TASP1: variants seen among roughly 807,000 people sequenced by gnomAD.
The protein encoded by TASP1 is taspase 1.
A neutral mutation model predicts 56.6 loss-of-function variants in TASP1; 16 were observed. The observed-to-expected ratio is 0.28, with a 90% CI of 0.19 to 0.43. The LOEUF (loss-of-function observed/expected upper bound fraction) is 0.43. TASP1 is among the 20% of genes least tolerant of loss of function. The pLI is 1.00. For synonymous variants in TASP1, 179 were observed against 184.2 expected, an observed-to-expected ratio of 0.97 and a Z score of 0.23; for missense variants, 393 against 511.6, an observed-to-expected ratio of 0.77 and a Z score of 2.24.
intron 10 of TASP1, among the ~76,000 whole-genome samples, chr20:13,501,155 A>G (rs988465031): frequency 1.3e-5 from 2 of 152,052 alleles, no homozygotes; most frequent in Admixed American, 1.3e-4. Flanking sequence ...GGAAGTAAAG[A>G]TATTTCTGAT....
intron 10 of TASP1, among the ~76,000 whole-genome samples, chr20:13,501,014 G>A (rs1336391678): frequency 6.6e-6 from 1 of 151,932 alleles, no homozygotes; most frequent in Non-Finnish European, 1.5e-5. Context: ...CATACAAAGA[G>A]ACCACTACAG....
the TASP1 span, among the ~76,000 whole-genome samples, chr20:13,125,543 C>T: frequency 4.6e-5 from 7 of 152,162 alleles, no homozygotes; most frequent in Non-Finnish European, 1.0e-4. Context: ...AAACTCTGCC[C>T]ATCAACAATG....
intron 13 of TASP1, among the ~76,000 whole-genome samples, chr20:13,411,505 G>C (rs376756755): frequency 3.9e-5 from 6 of 152,044 alleles, no homozygotes; most frequent in Non-Finnish European, 8.8e-5. Flanking sequence ...TCATCTCCTT[G>C]GTTAAATTTA....
rs201134175 is a variant in TASP1, at chr20:13,468,294, AT to A, written c.985+14932del. ...ATACCAGAAAATCACCAATGTCATT[AT>A]GCCTCAGATAGACTATTTGAGAAGT... On this transcript the variant is annotated intron_variant, in intron 11 of 13. Transcript: ENST00000337743. 5.1e-3 allele frequency among the ~76,000 whole-genome samples: 771 copies of A among 152,290 alleles called. 4 individuals carry two copies. The highest frequency in any genetic ancestry group is 0.011 in the East Asian group (59 of 5,180).
the TASP1 span, among the ~76,000 whole-genome samples, chr20:13,206,190 A>G: frequency 6.6e-6 from 1 of 152,168 alleles, no homozygotes; most frequent in Non-Finnish European, 1.5e-5. Context: ...GACTGGATGC[A>G]TGGACAGCAT....
intron 13 of TASP1, among the ~76,000 whole-genome samples, chr20:13,395,459 T>G (rs894302910): frequency 2.6e-5 from 4 of 152,340 alleles, no homozygotes; most frequent in East Asian, 1.9e-4. Context: ...AACATCTAAT[T>G]TTTCATGCAC....
chr20:13,519,720 G>C (rs1215408057), intron 10 of TASP1, among the ~76,000 whole-genome samples: 1 of 152,174 alleles, frequency 6.6e-6, no homozygotes, highest in Non-Finnish European at 1.5e-5. Context: ...ACAAGACAGG[G>C]ATGCCCTCTC....
chr20:13,358,644 A>C, the TASP1 span, among the ~76,000 whole-genome samples: 2 of 149,844 alleles, frequency 1.3e-5, no homozygotes, highest in Non-Finnish European at 2.9e-5. Context: ...CTTCGGCGCC[A>C]GTCACGGACT....
At chr20:13,299,408 C>A in the TASP1 span, 1 of 1,611,724 alleles carries the variant, frequency 6.2e-7, no homozygotes, top group Non-Finnish European at 8.5e-7. The surrounding 1 kb of genome is among the most constrained non-coding windows in gnomAD (Gnocchi z 5.8). Context: ...GCACAGAGAG[C>A]CCCTCGGACG....
the TASP1 span, chr20:13,298,852 A>T: frequency 3.6e-6 from 5 of 1,374,638 alleles, no homozygotes; most frequent in Non-Finnish European, 5.0e-6. Flanking sequence ...GCGGGCCCTC[A>T]GGAGCAGCCT....
the TASP1 span, among the ~76,000 whole-genome samples, chr20:13,326,522 C>T: frequency 0.021 from 2,525 of 122,798 alleles, 33 homozygotes; most frequent in South Asian, 0.069. Context: ...CTCACCAACA[C>T]TTGGTATGAA....
chr20:13,143,626 T>A, the TASP1 span, among the ~76,000 whole-genome samples: 3 of 152,166 alleles, frequency 2.0e-5, no homozygotes, highest in Admixed American at 2.0e-4. Context: ...GGCTTCCCCA[T>A]CAATTTTTCC....
chr20:13,378,123 A>G, the TASP1 span, among the ~76,000 whole-genome samples: 2 of 151,980 alleles, frequency 1.3e-5, no homozygotes, highest in South Asian at 4.2e-4. Context: ...CTAACTTTGA[A>G]TTTGTTTGCT....
the TASP1 span, among the ~76,000 whole-genome samples, chr20:13,322,584 A>G: frequency 6.6e-6 from 1 of 152,108 alleles, no homozygotes; most frequent in Non-Finnish European, 1.5e-5. Context: ...GACGTGCTCT[A>G]TTTTCTCAGG....
At chr20:13,463,436 G>A (rs1412932483) in intron 11 of TASP1, among the ~76,000 whole-genome samples, 4 of 152,094 alleles carry the variant, frequency 2.6e-5, no homozygotes, top group African/African-American at 9.7e-5. Context: ...CAGGGGGCAA[G>A]CTTCATGACA....
At chr20:13,629,081 G>T (rs1028033764) in intron 2 of TASP1, among the ~76,000 whole-genome samples, 9 of 152,132 alleles carry the variant, frequency 5.9e-5, no homozygotes, top group African/African-American at 1.2e-4. Flanking sequence ...TATTAAGAGG[G>T]TGGGCCGGGT....
At chr20:13,278,150 G>T in the TASP1 span, among the ~76,000 whole-genome samples, 1 of 152,298 alleles carries the variant, frequency 6.6e-6, no homozygotes, top group East Asian at 1.9e-4. Context: ...CTATGCGATG[G>T]CCAAAGGAAC....
chr20:13,429,050 C>T (rs2042711616), intron 12 of TASP1, among the ~76,000 whole-genome samples: 2 of 152,204 alleles, frequency 1.3e-5, no homozygotes. Flanking sequence ...ATATTTCAAA[C>T]CTCTATAGCC....
chr20:13,213,261 G>T, the TASP1 span, among the ~76,000 whole-genome samples: 2 of 151,718 alleles, frequency 1.3e-5, no homozygotes, highest in Non-Finnish European at 2.9e-5. Flanking sequence ...ACTTCCCTAG[G>T]GTATAATTAT....
Sources: gnomAD v4.1 joint callset for allele counts (sites outside exome capture counted in the v4.1 genomes callset) on GRCh38, gnomAD v4.1.1 for gene constraint, Gnocchi (gnomAD v3.1) non-coding constraint, MANE v1.5 for transcripts, NCBI Gene and HGNC (gene_info 2026-07-23, HGNC 2026-07-21) for gene names.